The following UNC5A variants were observed in gnomAD, a reference collection of about 807,000 sequenced individuals.
UNC5A encodes netrin receptor UNC5A.
UNC5A carries 20 observed loss-of-function variants against 87.4 expected under a neutral mutation model. The ratio of observed to expected loss-of-function variants is 0.23; its 90% confidence interval spans 0.16 to 0.33. UNC5A has a LOEUF of 0.33. Among genes scored for constraint, UNC5A ranks in the 10% least tolerant of loss-of-function variants. UNC5A has a pLI of 1.00. For synonymous variants in UNC5A, 438 were observed against 482.3 expected (o/e 0.91, Z 1.20); for missense variants, 844 against 1,133.4 (o/e 0.74, Z 3.67).
intron 1 of UNC5A, among the ~76,000 whole-genome samples, chr5:176,831,515 G>A (rs974156270): frequency 9.2e-5 from 14 of 152,226 alleles, no homozygotes; most frequent in Non-Finnish European, 4.4e-5. Context: ...GCAAGCCTTG[G>A]GCTGGCCCCT....
At chr5:176,830,629 T>C (rs1756982771) in intron 1 of UNC5A, among the ~76,000 whole-genome samples, 2 of 142,468 alleles carry the variant, frequency 1.4e-5, no homozygotes, top group Admixed American at 7.0e-5. Flanking sequence ...GGCGTGTGTG[T>C]GTGTGCGCTG....
chr5:176,846,936 G>C (rs1172447751), intron 1 of UNC5A, among the ~76,000 whole-genome samples: 2 of 152,158 alleles, frequency 1.3e-5, no homozygotes, highest in African/African-American at 4.8e-5. Context: ...AGGGGCGGAC[G>C]TGCTTGGGAG....
At position 176,848,750 on chromosome 5, in the gene UNC5A, C is replaced by T. The variant is rs1332734526; in HGVS notation, c.71-13874C>T. ...GTTGCAGGAGGCTTCAGCTGCCTCA[C>T]CCAGGGGCAGGAGCTGAGGCTCAGA... On this transcript the variant is annotated intron_variant, in intron 1 of 14. Transcript: ENST00000329542. The surrounding 1 kb of genome is among the most constrained non-coding windows in gnomAD (Gnocchi z 5.8). 1.3e-5 allele frequency among the ~76,000 whole-genome samples: 2 copies of T among 152,200 alleles called. No individual in the cohort carries two copies. The highest frequency in any genetic ancestry group is 4.8e-5 in the African/African-American group (2 of 41,450).
At chr5:176,817,805 G>T (rs1756630227) in intron 1 of UNC5A, among the ~76,000 whole-genome samples, 1 of 151,902 alleles carries the variant, frequency 6.6e-6, no homozygotes, top group African/African-American at 2.4e-5. Flanking sequence ...CGCCCGTCGG[G>T]CGGGGCTGCG....
chr5:176,862,498 A>G (rs1199739338), intron 1 of UNC5A, 126 bp from the exon 2 acceptor site: 1 of 904,498 alleles, frequency 1.1e-6, no homozygotes, highest in Non-Finnish European at 1.7e-6. Flanking sequence ...CAGCTGGGAC[A>G]TGGCAGAGCC....
chr5:176,811,823 T>TG (rs1266835633), intron 1 of UNC5A, among the ~76,000 whole-genome samples: 1 of 152,046 alleles, frequency 6.6e-6, no homozygotes, highest in Non-Finnish European at 1.5e-5. Flanking sequence ...CCCTAGAACC[T>TG]GGGCGGTTAC....
At position 176,878,334 on chromosome 5, in the gene UNC5A, C is replaced by T. The variant is rs1758319041; in HGVS notation, c.1960C>T (p.Leu654=). 1 of 1,613,578 alleles carries T rather than the reference C, an allele frequency of 6.2e-7. No homozygotes were observed. The highest frequency in any genetic ancestry group is 8.5e-7 in the Non-Finnish European group (1 of 1,180,026). ...HFKDSYHNLR[L]SIHDVPSSLW... ...CAAGGACAGTTACCACAACCTGCGC[C>T]TATCCATCCACGATGTGCCCAGCTC... Residue 654 remains leucine, a synonymous_variant, in exon 12 of 15, where the codon CTA becomes TTA. Transcript: ENST00000329542.
intron 5 of UNC5A, 145 bp from the exon 6 acceptor site, chr5:176,870,225 C>T (rs72811296): frequency 1.1e-3 from 1,101 of 1,000,860 alleles, no homozygotes; most frequent in Admixed American, 2.5e-3. Context: ...GGGCGTGCAT[C>T]GTGGGCCTGG....
chr5:176,858,153 G>A (rs1040837950), intron 1 of UNC5A, among the ~76,000 whole-genome samples: 1 of 152,224 alleles, frequency 6.6e-6, no homozygotes, highest in African/African-American at 2.4e-5. Flanking sequence ...CATGGACCGA[G>A]GATGCACAGT....
Position 176,877,185 on chromosome 5 carries a change from G to A in UNC5A, c.1379-7G>A, listed in dbSNP as rs540870015. On this transcript the variant is annotated splice_region_variant and splice_polypyrimidine_tract_variant and intron_variant, in intron 8 of 14. Transcript: ENST00000329542. ...GGTAAGCCCTGGCCCTCTTCCTGCC[G>A]TTCCAGGAATCAGCCTCCTCATCCC... 7.0e-5 allele frequency: 113 copies of A among 1,608,208 alleles called. No homozygotes were observed. Among genetic ancestry groups the A allele is most frequent in the East Asian group, 1.8e-4 (8 of 44,844 alleles).
At chr5:176,825,685 G>A (rs1032439610) in intron 1 of UNC5A, among the ~76,000 whole-genome samples, 2 of 152,158 alleles carry the variant, frequency 1.3e-5, no homozygotes, top group African/African-American at 4.8e-5. Context: ...GGTGAGTGAC[G>A]TGCCCACATC....
At chr5:176,862,137 T>C (rs1185168000) in intron 1 of UNC5A, among the ~76,000 whole-genome samples, 2 of 152,222 alleles carry the variant, frequency 1.3e-5, no homozygotes, top group African/African-American at 4.8e-5. Flanking sequence ...ATGTTATTTC[T>C]GAGCACCTAC....
At position 176,865,804 on chromosome 5, in the gene UNC5A, G is replaced by A; in HGVS notation, c.293-2326G>A. ...CTGGAGGTGGCCGGATGGACACCCA[G>A]GAGAGCACCTACTTCCCTCTCGTTT... On this transcript the variant is annotated intron_variant, in intron 2 of 14. Transcript: ENST00000329542. This position sits in a 1 kb window ranked among gnomAD's most constrained non-coding sequence, Gnocchi z 5.3. 2.6e-6 allele frequency: 1 copy of A among 390,356 alleles called. No homozygotes were observed. Among genetic ancestry groups the A allele is most frequent in the Non-Finnish European group, 5.1e-6 (1 of 195,384 alleles). The allele number at this position is 390,356 out of a possible 1,614,324, so 24.2% of individuals were successfully genotyped here.
At chr5:176,867,813 C>A (rs1758011087) in intron 2 of UNC5A, among the ~76,000 whole-genome samples, 1 of 151,946 alleles carries the variant, frequency 6.6e-6, no homozygotes, top group African/African-American at 2.4e-5. Context: ...TCTACGGCAG[C>A]CCCTTTATGG....
rs1159676770 is a variant in UNC5A, at chr5:176,878,109, C to A, written c.1851C>A (p.Asp617Glu). 6.2e-7 allele frequency: 1 copy of A among 1,609,064 alleles called. No individual in the cohort carries two copies. Among genetic ancestry groups the A allele is most frequent in the East Asian group, 2.2e-5 (1 of 44,872 alleles). The change falls in exon 11 of 15, where the codon GAC becomes GAA. Residue 617 changes from aspartate to glutamate, a missense_variant. Physicochemically the swap from Asp to Glu is conservative, Grantham distance 45. This residue lies in a region of UNC5A where 353 missense variants were observed against 387.5 expected (regional missense o/e 0.91). Coordinates refer to ENST00000329542, the MANE Select transcript of UNC5A (RefSeq NM_133369.3). The part of the protein sequence containing the change: ...EYNIRVYCLH[D>E]THDALKEVVQ... ...ACATCCGGGTCTACTGCCTGCATGA[C>A]ACCCACGATGCACTCAAGGTATCTC...
chr5:176,815,228 G>A (rs1236758735), intron 1 of UNC5A, among the ~76,000 whole-genome samples: 1 of 152,194 alleles, frequency 6.6e-6, no homozygotes, highest in African/African-American at 2.4e-5. Flanking sequence ...TCCTACGTGG[G>A]GTGGGACTCC....
chr5:176,825,017 C>A (rs781075995), intron 1 of UNC5A, among the ~76,000 whole-genome samples: 2 of 152,252 alleles, frequency 1.3e-5, no homozygotes, highest in Non-Finnish European at 2.9e-5. Context: ...TTCCCTCCCT[C>A]CCAGCTCTTG....
In UNC5A at chr5:176,878,328, C is replaced by G. The variant is rs1170400115; in HGVS notation, c.1954C>G (p.Leu652Val). ...VLHFKDSYHN[L>V]RLSIHDVPSS... is the part of the protein sequence containing the mutation. ...GCACTTCAAGGACAGTTACCACAAC[C>G]TGCGCCTATCCATCCACGATGTGCC... Residue 652 changes from leucine to valine, a missense_variant, in exon 12 of 15, where the codon CTG becomes GTG. By Grantham distance (32) the Leu-to-Val change is conservative. This residue lies in a region of UNC5A where 177 missense variants were observed against 279.4 expected (regional missense o/e 0.63). Transcript: ENST00000329542. The G allele has an allele frequency of 1.9e-6, 3 of 1,613,520 alleles. No individual in the cohort carries two copies. Among genetic ancestry groups the G allele is most frequent in the Non-Finnish European group, 1.7e-6 (2 of 1,180,032 alleles).
chr5:176,878,387 C>T lies in UNC5A; in HGVS notation c.2013C>T (p.Ser671=). Residue 671 remains serine, a synonymous_variant, in exon 12 of 15, where the codon AGC becomes AGT. Transcript: ENST00000329542. The part of the protein sequence containing the change: ...SSLWKSKLLV[S]YQEIPFYHIW... ...TGTGGAAGAGTAAGCTCCTTGTCAGCTACCAGGTGAGGGCCAGGGCCGTGG... is the reference window on the plus strand; with the variant it reads ...TGTGGAAGAGTAAGCTCCTTGTCAGTTACCAGGTGAGGGCCAGGGCCGTGG... The T allele has an allele frequency of 6.2e-7, 1 of 1,613,526 alleles. No homozygotes were observed. Among genetic ancestry groups the T allele is most frequent in the Non-Finnish European group, 8.5e-7 (1 of 1,179,942 alleles).
Sources: gnomAD v4.1 joint callset for allele counts (sites outside exome capture counted in the v4.1 genomes callset) on GRCh38, gnomAD v4.1.1 for gene constraint, gnomAD v4.1.1 regional missense constraint, Gnocchi (gnomAD v3.1) non-coding constraint, MANE v1.5 for transcripts, NCBI Gene and HGNC (gene_info 2026-07-23, HGNC 2026-07-21) for gene names.